Variants in EML5 observed in about 807,000 individuals in gnomAD.
EML5 encodes echinoderm microtubule-associated protein-like 5.
EML5 carries 120 observed loss-of-function variants against 250.0 expected under a neutral mutation model. The ratio of observed to expected loss-of-function variants is 0.48; its 90% confidence interval spans 0.41 to 0.56. The LOEUF (loss-of-function observed/expected upper bound fraction) is 0.56, where lower values mean the gene tolerates loss of function less well. EML5 is among the 20% of genes least tolerant of loss of function. The pLI, the probability that EML5 is intolerant of heterozygous loss-of-function variation, is 0.00. For synonymous variants in EML5, 771 were observed against 806.5 expected (o/e 0.96, Z 0.75); for missense variants, 2,006 against 2,437.6 (o/e 0.82, Z 3.73).
intron 1 of EML5, among the ~76,000 whole-genome samples, chr14:88,790,999 C>T (rs896081098): frequency 6.6e-6 from 1 of 152,150 alleles, no homozygotes; most frequent in African/African-American, 2.4e-5. Flanking sequence ...AAAAAGCACT[C>T]TGGTGTCCAA....
rs528362905 is a variant in EML5 at position 88,701,743 on chromosome 14, C to T, written c.2238+703G>A. Among the ~76,000 whole-genome samples the T allele has an allele frequency of 3.0e-4, 46 of 152,266 alleles. 1 individual carries two copies. The South Asian group carries it at 9.4e-3, about 31-fold the overall frequency. On this transcript the variant is annotated intron_variant, in intron 14 of 43. Transcript: ENST00000554922. ...AGCCAGACAGACTGAAGGCTTTAGG[C>T]TTTACTACCTATTAACTGATTGATC...
intron 6 of EML5, among the ~76,000 whole-genome samples, chr14:88,737,380 C>T (rs957097784): frequency 1.3e-5 from 2 of 152,238 alleles, no homozygotes; most frequent in African/African-American, 2.4e-5. Context: ...ACAGCACACC[C>T]GGCCCAGCCA....
At chr14:88,756,709 T>C (rs1566758855) in intron 1 of EML5, among the ~76,000 whole-genome samples, 1 of 151,922 alleles carries the variant, frequency 6.6e-6, no homozygotes, top group Non-Finnish European at 1.5e-5. Context: ...ATAAAAAAAT[T>C]AAAGAAAATA....
chr14:88,742,667 C>A (rs954564308), intron 4 of EML5, among the ~76,000 whole-genome samples: 3 of 152,106 alleles, frequency 2.0e-5, no homozygotes, highest in Non-Finnish European at 4.4e-5. Flanking sequence ...CCATATCAAA[C>A]ACACTGTCCA....
intron 7 of EML5, among the ~76,000 whole-genome samples, chr14:88,731,742 C>CT (rs1311114958): frequency 6.6e-6 from 1 of 152,138 alleles, no homozygotes; most frequent in Admixed American, 6.5e-5. Context: ...TGTTTCCTGA[C>CT]TTTTTAATGA....
rs2094625277 is a variant in EML5, at chr14:88,792,942, C to CCAAG, written c.-440_-439insCTTG. ...CGGACCCGCGCCGCGCACCCCGAAA[C>CCAAG]CGAGCGAGCCGAGCCGAGCCGAGCC... On this transcript the variant is annotated 5_prime_UTR_variant, in exon 1 of 44. Coordinates refer to ENST00000554922, the MANE Select transcript of EML5 (RefSeq NM_183387.3). The surrounding 1 kb of genome is among the most constrained non-coding windows in gnomAD (Gnocchi z 6.9). 6.6e-6 allele frequency among the ~76,000 whole-genome samples: 1 copy of CCAAG among 151,350 alleles called. No homozygotes were observed. The highest frequency in any genetic ancestry group is 2.4e-5 in the African/African-American group (1 of 41,040).
chr14:88,723,322 C>A (rs1313848766), intron 8 of EML5, among the ~76,000 whole-genome samples: 2 of 152,092 alleles, frequency 1.3e-5, no homozygotes, highest in Non-Finnish European at 2.9e-5. Flanking sequence ...GAACCTGGTG[C>A]ACATTATGCT....
chr14:88,788,253 G>C lies in EML5; in HGVS notation c.197+4054C>G, dbSNP rs535381591. On this transcript the variant is annotated intron_variant, in intron 1 of 43. Coordinates refer to ENST00000554922, the MANE Select transcript of EML5 (RefSeq NM_183387.3). ...TCCAATTACAATTTTGACTTGCGTT[G>C]AATAAATTAAGTTTCTATACCATAA... Among the ~76,000 whole-genome samples, 9 of 152,200 alleles carry C rather than the reference G, an allele frequency of 5.9e-5. No homozygotes were observed. The South Asian group carries it at 1.9e-3, about 32-fold the overall frequency.
chr14:88,684,345 T>C (rs1240630744), intron 20 of EML5, among the ~76,000 whole-genome samples: 1 of 110,656 alleles, frequency 9.0e-6, no homozygotes, highest in Admixed American at 1.1e-4. Flanking sequence ...TAATTTTTTG[T>C]ATTCTTAGTA....
In EML5 at chr14:88,723,453, T is replaced by C. The variant is rs1047497266; in HGVS notation, c.1187+3088A>G. On this transcript the variant is annotated intron_variant, in intron 8 of 43. Coordinates refer to ENST00000554922, the MANE Select transcript of EML5 (RefSeq NM_183387.3). The stretch of plus-strand genomic sequence containing the variant: ...GGTTAACAGGGATTAGGAGTACAGG[T>C]GGGAAATGGGGAGATGTTGGTTAAA... Among the ~76,000 whole-genome samples the C allele has an allele frequency of 4.6e-5, 7 of 151,928 alleles. No individual in the cohort carries two copies. In the South Asian group the frequency reaches 1.0e-3, roughly 22 times the overall value.
Position 88,746,301 on chromosome 14 carries a change from A to G in EML5, c.358-18T>C, listed in dbSNP as rs2094003572. 6.3e-7 allele frequency: 1 copy of G among 1,596,768 alleles called. No homozygotes were observed. Among genetic ancestry groups the G allele is most frequent in the Non-Finnish European group, 8.5e-7 (1 of 1,172,230 alleles). On this transcript the variant is annotated intron_variant, in intron 2 of 43. Transcript: ENST00000554922. ...ACCAAGCGCTGATTTATGTCCAAGA[A>G]GTCCAGGAAGGAATAAAAAGGCAAA...
chr14:88,624,527 A>C (rs924059466), intron 36 of EML5: 3 of 156,210 alleles, frequency 1.9e-5, no homozygotes, highest in African/African-American at 7.2e-5. Flanking sequence ...TGCCTCAAGC[A>C]AAAGGAAACA....
chr14:88,735,458 A>T (rs976724968), intron 7 of EML5, among the ~76,000 whole-genome samples: 1 of 152,244 alleles, frequency 6.6e-6, no homozygotes, highest in African/African-American at 2.4e-5. Context: ...ATATAAAAAC[A>T]TAACAACCCT....
chr14:88,756,238 GA>G (rs1213768793), intron 1 of EML5, among the ~76,000 whole-genome samples: 1 of 151,890 alleles, frequency 6.6e-6, no homozygotes, highest in African/African-American at 2.4e-5. Flanking sequence ...ATTAACAGAA[GA>G]AAGGTCAAAA....
chr14:88,715,284 T>G (rs1595635504), intron 8 of EML5, 89 bp from the exon 9 acceptor site: 1 of 1,265,784 alleles, frequency 7.9e-7, no homozygotes, highest in East Asian at 2.5e-5. Context: ...ACCGTGAAGC[T>G]GTATCAAGTG....
At chr14:88,738,430 T>C (rs2093878425) in intron 6 of EML5, among the ~76,000 whole-genome samples, 1 of 146,270 alleles carries the variant, frequency 6.8e-6, no homozygotes, top group Non-Finnish European at 1.5e-5. Context: ...AAAAAAAAAA[T>C]CCCCCAATTG....
rs1221043328 is a variant in EML5, at chr14:88,644,467, G to A, written c.4073C>T (p.Thr1358Ile). ...TCTCTTTTTCTTGCCTACATTGTTTGTCTGGAGTTTCTCTGGCTGTGGTGG... is the reference window on the plus strand; with the variant it reads ...TCTCTTTTTCTTGCCTACATTGTTTATCTGGAGTTTCTCTGGCTGTGGTGG... Reference protein sequence around the residue: ...RAPPQPEKLQTNNVGKKKRPI... With the variant: ...RAPPQPEKLQINNVGKKKRPI... The change falls in exon 30 of 44, where the codon ACA becomes ATA. Residue 1358 changes from threonine (T) to isoleucine (I), a missense_variant. Around this residue, in one of 7 missense-constraint regions of EML5, gnomAD observed 1,375 missense variants for 1,590.3 expected, o/e 0.86. Transcript: ENST00000554922. 2 of 1,613,744 alleles carry A rather than the reference G, an allele frequency of 1.2e-6. No homozygotes were observed. Among genetic ancestry groups the A allele is most frequent in the South Asian group, 1.1e-5 (1 of 91,068 alleles).
chr14:88,627,815 T>C lies in EML5; in HGVS notation c.4362A>G (p.Thr1454=), dbSNP rs2048510118. ...CATCCCAGATGTGAATAGAAGGAGCTGTAGCTAAATAAAGATAGTATCAAA... is the reference window on the plus strand; with the variant it reads ...CATCCCAGATGTGAATAGAAGGAGCCGTAGCTAAATAAAGATAGTATCAAA... The part of the protein sequence containing the change: ...QVGDSADMSA[T]APSIHIWDAM... The change falls in exon 34 of 44, where the codon ACA becomes ACG. Residue 1454 remains threonine (T), a synonymous_variant. Coordinates refer to ENST00000554922, the MANE Select transcript of EML5 (RefSeq NM_183387.3). 1.9e-6 allele frequency: 3 copies of C among 1,585,308 alleles called. No individual in the cohort carries two copies. The highest frequency in any genetic ancestry group is 3.6e-5 in the Admixed American group (2 of 55,544).
At chr14:88,682,172 CTGTT>C in intron 20 of EML5, 141 bp from the exon 21 acceptor site, 1 of 883,154 alleles carries the variant, frequency 1.1e-6, no homozygotes, top group Non-Finnish European at 1.5e-6. Flanking sequence ...CAAAACTTTT[CTGTT>C]TATCTTTGGG....
Sources: gnomAD v4.1 joint callset for allele counts (sites outside exome capture counted in the v4.1 genomes callset) on GRCh38, gnomAD v4.1.1 for gene constraint, gnomAD v4.1.1 regional missense constraint, Gnocchi (gnomAD v3.1) non-coding constraint, MANE v1.5 for transcripts, NCBI Gene and HGNC (gene_info 2026-07-23, HGNC 2026-07-21) for gene names.